The following EPB41L1 variants were observed in gnomAD, a reference collection of about 807,000 sequenced individuals.
The protein encoded by EPB41L1 is erythrocyte membrane protein band 4.1 like 1.
In EPB41L1, 29 loss-of-function variants were observed where a neutral mutation model predicts 97.8. The ratio of observed to expected loss-of-function variants is 0.30; its 90% CI spans 0.22 to 0.40. The LOEUF (loss-of-function observed/expected upper bound fraction) is 0.40, where lower values mean the gene tolerates loss of function less well. EPB41L1 is among the 10% of genes least tolerant of loss of function. EPB41L1 has a pLI of 1.00. For synonymous variants in EPB41L1, 383 were observed against 459.2 expected (o/e 0.83, Z 2.12); for missense variants, 812 against 1,162.3 (o/e 0.70, Z 4.38).
At chr20:36,150,062 GT>G (rs1434368845), upstream of EPB41L1, among the ~76,000 whole-genome samples, 1 of 150,256 alleles carries the variant, frequency 6.7e-6, no homozygotes, top group African/African-American at 2.5e-5. Context: ...CATTCATAAG[GT>G]TTTTTTGTTT....
chr20:36,179,735 T>C (rs1042094096), intron 5 of EPB41L1, among the ~76,000 whole-genome samples: 11 of 152,210 alleles, frequency 7.2e-5, no homozygotes, highest in Non-Finnish European at 1.2e-4. Flanking sequence ...TAGCTGAGCC[T>C]GTTACCATGA....
chr20:36,214,474 C>T (rs774109369), intron 17 of EPB41L1, 34 bp downstream of exon 17: 2 of 1,548,588 alleles, frequency 1.3e-6, no homozygotes, highest in South Asian at 1.1e-5. Flanking sequence ...CCTCTCTGAC[C>T]AGCCCCCTGC....
chr20:36,124,191 C>T (rs1225032378), intron 2 of EPB41L1, among the ~76,000 whole-genome samples: 2 of 152,086 alleles, frequency 1.3e-5, no homozygotes, highest in African/African-American at 2.4e-5. Context: ...GGATGCAGAG[C>T]TTGCAGTGAG....
In EPB41L1 at chr20:36,212,156, G is replaced by A; in HGVS notation, c.2080-116G>A. On this transcript the variant is annotated intron_variant, in intron 15 of 21. Coordinates refer to ENST00000338074, the MANE Select transcript of EPB41L1 (RefSeq NM_012156.2). This position sits in a 1 kb window ranked among gnomAD's most constrained non-coding sequence, Gnocchi z 4.8. ...ACCCTGTCCAGAGTACCCTTCCAGAGATGTGGCCAGCTGTGGGGATAGGAG... is the reference window on the plus strand; with the variant it reads ...ACCCTGTCCAGAGTACCCTTCCAGAAATGTGGCCAGCTGTGGGGATAGGAG... The A allele has an allele frequency of 3.1e-6, 3 of 960,174 alleles. No individual in the cohort carries two copies. The highest frequency in any genetic ancestry group is 5.0e-6 in the Non-Finnish European group (3 of 600,608). The allele number at this position is 960,174 out of a possible 1,614,324, so 59.5% of individuals were successfully genotyped here. A position where few individuals can be genotyped will look rare whatever the true frequency, so the allele number is the denominator to read the frequency against.
chr20:36,095,687 G>A (rs2057805435), intron 1 of EPB41L1, among the ~76,000 whole-genome samples: 1 of 152,176 alleles, frequency 6.6e-6, no homozygotes, highest in South Asian at 2.1e-4. Context: ...ATATACTCTA[G>A]TCTAGAGCTG....
At chr20:36,125,214 C>T (rs1291044481) in intron 2 of EPB41L1, among the ~76,000 whole-genome samples, 1 of 152,072 alleles carries the variant, frequency 6.6e-6, no homozygotes, top group Non-Finnish European at 1.5e-5. Flanking sequence ...ACAGGCTATT[C>T]CTACAGGCCC....
intron 2 of EPB41L1, among the ~76,000 whole-genome samples, chr20:36,146,051 C>T (rs1046430376): frequency 1.3e-5 from 2 of 152,218 alleles, no homozygotes; most frequent in East Asian, 3.8e-4. Context: ...TTCCTCGAAA[C>T]CTCCTTTGAC....
chr20:36,175,693 C>T lies in EPB41L1; in HGVS notation c.320C>T (p.Ser107Leu), dbSNP rs369804239. Residue 107 changes from serine to leucine, a missense_variant, in exon 3 of 22, where the codon TCG (serine) becomes TTG (leucine). Transcript: ENST00000338074. ...AICRVTLLDA[S>L]EYECEVEKHG... ...TGCCGGGTCACTCTGCTTGATGCCT[C>T]GGAGTATGAGTGTGAGGTGGAGGTA... The T allele has an allele frequency of 9.9e-6, 16 of 1,613,892 alleles. No homozygotes were observed. The highest frequency in any genetic ancestry group is 5.0e-5 in the Admixed American group (3 of 59,986).
In EPB41L1 at chr20:36,206,140, C is replaced by T; in HGVS notation, c.1669-3348C>T. 7.8e-7 allele frequency: 1 copy of T among 1,289,878 alleles called. No individual in the cohort carries two copies. The highest frequency in any genetic ancestry group is 1.0e-6 in the Non-Finnish European group (1 of 988,898). The allele number at this position is 1,289,878 out of a possible 1,614,324, so 79.9% of individuals were successfully genotyped here. Reference sequence around the variant, plus strand: ...GGAAGGCCCCTGGATCAGGGAAAGCCCAGGAGGGGCTGCCCTGGCTTCCGG... The same window carrying T: ...GGAAGGCCCCTGGATCAGGGAAAGCTCAGGAGGGGCTGCCCTGGCTTCCGG... On this transcript the variant is annotated intron_variant, in intron 14 of 21. Coordinates refer to ENST00000338074, the MANE Select transcript of EPB41L1 (RefSeq NM_012156.2). This position sits in a 1 kb window ranked among gnomAD's most constrained non-coding sequence, Gnocchi z 5.5.
intron 2 of EPB41L1, among the ~76,000 whole-genome samples, chr20:36,123,668 G>A (rs1227585893): frequency 6.6e-6 from 1 of 152,184 alleles, no homozygotes; most frequent in Non-Finnish European, 1.5e-5. Context: ...CTGACCTCAG[G>A]TGATCCACCC....
chr20:36,167,959 C>G (rs979753793), intron 1 of EPB41L1, among the ~76,000 whole-genome samples: 19 of 152,110 alleles, frequency 1.2e-4, no homozygotes, highest in African/African-American at 4.6e-4. Flanking sequence ...CTCAGAGATG[C>G]TGACTCATGC....
chr20:36,159,396 A>G (rs1569163601), intron 1 of EPB41L1, among the ~76,000 whole-genome samples: 1 of 152,222 alleles, frequency 6.6e-6, no homozygotes, highest in Non-Finnish European at 1.5e-5. Context: ...ACACCCACAG[A>G]AAAACTGCTT....
chr20:36,184,096 G>A (rs1424361188), intron 6 of EPB41L1, among the ~76,000 whole-genome samples: 8 of 152,056 alleles, frequency 5.3e-5, no homozygotes, highest in East Asian at 1.9e-4. Flanking sequence ...TTAGCTGGGC[G>A]TGGTGGCATG....
At chr20:36,199,281 G>A (rs1198618766) in intron 14 of EPB41L1, among the ~76,000 whole-genome samples, 3 of 151,970 alleles carry the variant, frequency 2.0e-5, no homozygotes, top group Non-Finnish European at 2.9e-5. Flanking sequence ...TTAGCTGATG[G>A]AAGAGGAACC....
chr20:36,180,982 T>C (rs996742093), intron 5 of EPB41L1, among the ~76,000 whole-genome samples: 4 of 152,144 alleles, frequency 2.6e-5, no homozygotes, highest in Non-Finnish European at 5.9e-5. Flanking sequence ...AGAATTCATC[T>C]ATAAAAAAGA....
At chr20:36,202,770 C>T (rs1266690477) in intron 14 of EPB41L1, among the ~76,000 whole-genome samples, 1 of 150,012 alleles carries the variant, frequency 6.7e-6, no homozygotes, top group Non-Finnish European at 1.5e-5. Flanking sequence ...AAGATCACGC[C>T]TCTGCACTCC....
rs2062901723 is a variant in EPB41L1 at position 36,207,719 on chromosome 20, TAG to T, written c.1669-1766_1669-1765del. On this transcript the variant is annotated intron_variant, in intron 14 of 21. Transcript: ENST00000338074. The surrounding 1 kb of genome is among the most constrained non-coding windows in gnomAD (Gnocchi z 4.9). ...TCCTACCAGGAAGCACACACGGAAC[TAG>T]AGCCCGTGTCCCCCAATTCAGGCTG... 2 of 1,289,980 alleles carry T rather than the reference TAG, an allele frequency of 1.6e-6. No individual in the cohort carries two copies. Among genetic ancestry groups the T allele is most frequent in the African/African-American group, 3.0e-5 (2 of 65,988 alleles). 79.9% of individuals were successfully genotyped at this position (1,289,980 alleles called of 1,614,324 possible).
At chr20:36,123,828 GA>G in intron 2 of EPB41L1, among the ~76,000 whole-genome samples, 1 of 152,344 alleles carries the variant, frequency 6.6e-6, no homozygotes, top group East Asian at 1.9e-4. Context: ...AGAGAGAGAA[GA>G]AAAAGGGAAT....
At chr20:36,168,827 C>T (rs1035538806) in intron 1 of EPB41L1, among the ~76,000 whole-genome samples, 30 of 151,800 alleles carry the variant, frequency 2.0e-4, no homozygotes, top group Admixed American at 1.4e-3. Context: ...GCTGGTATTA[C>T]AGGCGTGAGC....
Sources: allele counts gnomAD v4.1 joint callset (sites outside exome capture counted in the v4.1 genomes callset), GRCh38; gene constraint gnomAD v4.1.1; non-coding constraint Gnocchi (gnomAD v3.1); transcripts MANE v1.5; gene names NCBI Gene and HGNC (gene_info 2026-07-23, HGNC 2026-07-21).